TASP1: variants seen among roughly 807,000 people sequenced by gnomAD.
TASP1 encodes the protein threonine aspartase 1.
TASP1 carries 16 observed loss-of-function variants against 56.6 expected under a neutral mutation model. That is an observed-to-expected ratio of 0.28 (90% CI 0.19 to 0.43). The LOEUF (loss-of-function observed/expected upper bound fraction) is 0.43. Ranked by LOEUF, TASP1 falls within the 20% of genes least tolerant of loss-of-function variation. The pLI is 1.00. For synonymous variants in TASP1, 179 were observed against 184.2 expected (o/e 0.97, Z 0.23); for missense variants, 393 against 511.6 (o/e 0.77, Z 2.24).
intron 4 of TASP1, among the ~76,000 whole-genome samples, chr20:13,601,899 CAG>C (rs2047974226): frequency 1.1e-5 from 1 of 92,438 alleles, no homozygotes. Context: ...TTTTTTGAGA[CAG>C]AGTCTCGCTC....
intron 11 of TASP1, among the ~76,000 whole-genome samples, chr20:13,456,716 A>C (rs544200587): frequency 6.6e-6 from 1 of 152,216 alleles, no homozygotes; most frequent in East Asian, 1.9e-4. Context: ...GACCAAATTG[A>C]TTTGTCAGTC....
At chr20:13,190,566 T>C in the TASP1 span, among the ~76,000 whole-genome samples, 5 of 152,124 alleles carry the variant, frequency 3.3e-5, no homozygotes, top group Non-Finnish European at 4.4e-5. Context: ...ATCTTCACCA[T>C]ATACAAAAAT....
At chr20:13,278,991 C>T in the TASP1 span, among the ~76,000 whole-genome samples, 1 of 152,206 alleles carries the variant, frequency 6.6e-6, no homozygotes, top group Non-Finnish European at 1.5e-5. Context: ...TCTGTTAATA[C>T]CTGTCACCAT....
chr20:13,395,984 C>T (rs6079041), intron 13 of TASP1, among the ~76,000 whole-genome samples: 2,062 of 152,168 alleles, frequency 0.014, 33 homozygotes, highest in Non-Finnish European at 0.022. Flanking sequence ...CAGGCATGAG[C>T]CACTGCGCCC....
chr20:13,440,255 C>T (rs2043167640), intron 11 of TASP1, among the ~76,000 whole-genome samples: 1 of 152,160 alleles, frequency 6.6e-6, no homozygotes, highest in South Asian at 2.1e-4. Flanking sequence ...ACCTCCCATG[C>T]ATTCTTTCTC....
the TASP1 span, among the ~76,000 whole-genome samples, chr20:13,294,479 C>T: frequency 2.6e-5 from 4 of 152,180 alleles, no homozygotes; most frequent in African/African-American, 7.2e-5. Context: ...TCATATCACA[C>T]CCCACAGGCA....
chr20:13,251,955 G>A, the TASP1 span, among the ~76,000 whole-genome samples: 1 of 151,518 alleles, frequency 6.6e-6, no homozygotes, highest in East Asian at 1.9e-4. Flanking sequence ...GAGAGTCCAA[G>A]CTGAAGCAAG....
chr20:13,396,493 G>T (rs2041543272), intron 13 of TASP1, among the ~76,000 whole-genome samples: 1 of 152,240 alleles, frequency 6.6e-6, no homozygotes, highest in South Asian at 2.1e-4. Context: ...TGTGATATTG[G>T]ACAACGGAAA....
At chr20:13,313,146 C>T in the TASP1 span, among the ~76,000 whole-genome samples, 1 of 152,222 alleles carries the variant, frequency 6.6e-6, no homozygotes, top group African/African-American at 2.4e-5. Flanking sequence ...CAGATCCCTT[C>T]TACAGCCTCC....
At chr20:13,147,860 G>A in the TASP1 span, among the ~76,000 whole-genome samples, 2 of 152,158 alleles carry the variant, frequency 1.3e-5, no homozygotes, top group Non-Finnish European at 2.9e-5. Context: ...TTTCAAGCCT[G>A]GGAAATAGTA....
chr20:13,372,773 G>GT, the TASP1 span, among the ~76,000 whole-genome samples: 3 of 150,720 alleles, frequency 2.0e-5, no homozygotes, highest in East Asian at 3.9e-4. Context: ...TTATTTAATG[G>GT]TTTTTTATAA....
chr20:13,613,827 A>T (rs1600168120), intron 4 of TASP1, among the ~76,000 whole-genome samples: 1 of 152,282 alleles, frequency 6.6e-6, no homozygotes, highest in East Asian at 1.9e-4. Flanking sequence ...CACTTTTATT[A>T]GGCCCAAATG....
chr20:13,191,092 ATGCT>A, the TASP1 span, among the ~76,000 whole-genome samples: 1 of 152,310 alleles, frequency 6.6e-6, no homozygotes, highest in South Asian at 2.1e-4. Context: ...AAAATAACAA[ATGCT>A]TGCAAGGATA....
At chr20:13,235,077 A>G in the TASP1 span, among the ~76,000 whole-genome samples, 648 of 152,302 alleles carry the variant, frequency 4.3e-3, 2 homozygotes, top group African/African-American at 0.015. Context: ...GCTGTAGGAC[A>G]ACTACTCCAA....
chr20:13,186,342 A>G, the TASP1 span, among the ~76,000 whole-genome samples: 1 of 152,208 alleles, frequency 6.6e-6, no homozygotes, highest in Non-Finnish European at 1.5e-5. Flanking sequence ...TTTCTGGGAA[A>G]GGGATATTTC....
Position 13,484,905 on chromosome 20 carries a change from TCA to T in TASP1, c.875-1570_875-1569del, listed in dbSNP as rs532572670. Among the ~76,000 whole-genome samples, 344 of 152,168 alleles carry T rather than the reference TCA, an allele frequency of 2.3e-3. 1 individual carries two copies. Among genetic ancestry groups the T allele is most frequent in the Middle Eastern group, 6.8e-3 (2 of 294 alleles). ...ACAGAAAACTAAGCACTGCATGTTC[TCA>T]CTCATAAGTGGGAGTTGAACAATGA... On this transcript the variant is annotated intron_variant, in intron 10 of 13. Coordinates refer to ENST00000337743, the MANE Select transcript of TASP1 (RefSeq NM_017714.3).
chr20:13,551,672 A>G (rs1406986268), intron 8 of TASP1, among the ~76,000 whole-genome samples: 1 of 152,218 alleles, frequency 6.6e-6, no homozygotes, highest in Non-Finnish European at 1.5e-5. Context: ...ACTCTCAGTC[A>G]TGTAGCAACC....
At chr20:13,162,015 A>C in the TASP1 span, among the ~76,000 whole-genome samples, 1 of 152,256 alleles carries the variant, frequency 6.6e-6, no homozygotes, top group Non-Finnish European at 1.5e-5. Flanking sequence ...TATTTCCCAG[A>C]TTCTCTAAAA....
chr20:13,183,814 G>A, the TASP1 span, among the ~76,000 whole-genome samples: 1 of 152,110 alleles, frequency 6.6e-6, no homozygotes, highest in Non-Finnish European at 1.5e-5. Flanking sequence ...CGGATCACGA[G>A]GTCAGGAGAT....
Sources: allele counts gnomAD v4.1 joint callset (sites outside exome capture counted in the v4.1 genomes callset), GRCh38; gene constraint gnomAD v4.1.1; transcripts MANE v1.5; gene names NCBI Gene and HGNC (gene_info 2026-07-23, HGNC 2026-07-21).